Variants in HS3ST4 observed in about 807,000 individuals in gnomAD.
HS3ST4 encodes heparan sulfate glucosamine 3-O-sulfotransferase 4.
Under a neutral mutation model 29.2 loss-of-function variants are expected in HS3ST4, and 17 were observed. The ratio of observed to expected loss-of-function variants is 0.58; its 90% CI spans 0.40 to 0.87. The LOEUF (loss-of-function observed/expected upper bound fraction) is 0.87, where lower values mean the gene tolerates loss of function less well. Among genes scored for constraint, HS3ST4 ranks in the 40% least tolerant of loss-of-function variants. The probability of loss-of-function intolerance (pLI) is 0.00; values close to 1 mark genes in which losing one functional copy is unlikely to be tolerated. For synonymous variants in HS3ST4, 314 were observed against 285.7 expected, an observed-to-expected ratio of 1.10 and a Z score of -1.00; for missense variants, 627 against 634.5, an observed-to-expected ratio of 0.99 and a Z score of 0.13.
chr16:25,811,475 C>T (rs1370529777), intron 1 of HS3ST4, among the ~76,000 whole-genome samples: 1 of 148,110 alleles, frequency 6.8e-6, no homozygotes, highest in African/African-American at 2.5e-5. Flanking sequence ...CTCTTGTTGC[C>T]CAGGCTGGAG....
At chr16:26,021,827 C>G (rs887302921) in intron 1 of HS3ST4, among the ~76,000 whole-genome samples, 5 of 152,036 alleles carry the variant, frequency 3.3e-5, no homozygotes, top group African/African-American at 1.2e-4. Flanking sequence ...CCACAACCAG[C>G]TAATTTTTGT....
At chr16:26,074,071 A>G (rs1898631625) in intron 1 of HS3ST4, among the ~76,000 whole-genome samples, 1 of 152,128 alleles carries the variant, frequency 6.6e-6, no homozygotes, top group Admixed American at 6.5e-5. Flanking sequence ...AATCCCCCTC[A>G]GCCTTCCGGT....
At chr16:25,971,503 A>G (rs868749362) in intron 1 of HS3ST4, among the ~76,000 whole-genome samples, 1 of 152,162 alleles carries the variant, frequency 6.6e-6, no homozygotes. Flanking sequence ...ATTAATAGTG[A>G]GCTCACCATG....
chr16:25,729,850 C>T (rs1379558798), intron 1 of HS3ST4, among the ~76,000 whole-genome samples: 3 of 152,254 alleles, frequency 2.0e-5, no homozygotes, highest in Admixed American at 6.5e-5. Context: ...CTTCCAGCCT[C>T]GGGTACAGGT....
intron 1 of HS3ST4, among the ~76,000 whole-genome samples, chr16:25,963,657 A>C (rs145002079): frequency 5.7e-4 from 87 of 152,342 alleles, no homozygotes; most frequent in Admixed American, 9.8e-4. Flanking sequence ...CAAATAATTT[A>C]GTCTTGTAAT....
intron 1 of HS3ST4, among the ~76,000 whole-genome samples, chr16:26,051,881 C>A (rs571152738): frequency 1.2e-5 from 1 of 85,584 alleles, no homozygotes; most frequent in Admixed American, 1.1e-4. Context: ...TCCCTCCCTG[C>A]CTCCCTCCCT....
intron 1 of HS3ST4, among the ~76,000 whole-genome samples, chr16:25,955,521 C>T (rs190134163): frequency 4.1e-4 from 62 of 152,218 alleles, no homozygotes; most frequent in African/African-American, 1.4e-3. Context: ...CAGTAGGAAC[C>T]TTTATGATAG....
At chr16:25,869,924 G>C (rs1301231524) in intron 1 of HS3ST4, among the ~76,000 whole-genome samples, 1 of 152,170 alleles carries the variant, frequency 6.6e-6, no homozygotes, top group East Asian at 1.9e-4. Flanking sequence ...GAGAGGTTAA[G>C]TAACTTGGCC....
At chr16:26,015,419 A>G (rs1567294094) in intron 1 of HS3ST4, among the ~76,000 whole-genome samples, 1 of 152,240 alleles carries the variant, frequency 6.6e-6, no homozygotes, top group Non-Finnish European at 1.5e-5. Context: ...CCCAACATCA[A>G]TATATGCCAA....
intron 1 of HS3ST4, among the ~76,000 whole-genome samples, chr16:26,040,884 A>G (rs985403717): frequency 1.3e-5 from 2 of 151,974 alleles, no homozygotes; most frequent in African/African-American, 4.8e-5. Context: ...CTCACCCAAC[A>G]TGGTCACTAT....
chr16:25,765,544 C>T (rs1966812660), intron 1 of HS3ST4, among the ~76,000 whole-genome samples: 1 of 152,086 alleles, frequency 6.6e-6, no homozygotes, highest in Non-Finnish European at 1.5e-5. Context: ...CTGATTGCAT[C>T]CTTCTGTGAG....
intron 1 of HS3ST4, among the ~76,000 whole-genome samples, chr16:25,800,245 T>C (rs1333149534): frequency 6.6e-6 from 1 of 152,194 alleles, no homozygotes; most frequent in East Asian, 1.9e-4. Flanking sequence ...TTAACCTTAG[T>C]TGAATAGAAT....
intron 1 of HS3ST4, among the ~76,000 whole-genome samples, chr16:25,916,427 A>T (rs931480795): frequency 6.6e-5 from 10 of 152,014 alleles, no homozygotes; most frequent in Non-Finnish European, 1.0e-4. Flanking sequence ...CAATGGCACT[A>T]TCTCGGCTCA....
At chr16:25,950,495 G>T (rs1968672237) in intron 1 of HS3ST4, among the ~76,000 whole-genome samples, 1 of 152,126 alleles carries the variant, frequency 6.6e-6, no homozygotes, top group African/African-American at 2.4e-5. Context: ...TCGGATGGAT[G>T]AATGAATAAA....
chr16:25,730,822 C>A (rs192750793), intron 1 of HS3ST4, among the ~76,000 whole-genome samples: 17 of 152,076 alleles, frequency 1.1e-4, no homozygotes, highest in African/African-American at 4.1e-4. Context: ...TCCCTCTTCC[C>A]TCCCTGCCTG....
intron 1 of HS3ST4, among the ~76,000 whole-genome samples, chr16:26,113,471 T>G (rs1899161361): frequency 4.9e-5 from 1 of 20,510 alleles, no homozygotes; most frequent in African/African-American, 8.7e-4. Flanking sequence ...CAATATATGA[T>G]GTGTGTGTGT....
At chr16:26,050,554 G>A (rs1475354748) in intron 1 of HS3ST4, among the ~76,000 whole-genome samples, 2 of 152,148 alleles carry the variant, frequency 1.3e-5, no homozygotes, top group Non-Finnish European at 2.9e-5. Context: ...AGGCACTGTG[G>A]AAAGTACTGC....
intron 1 of HS3ST4, among the ~76,000 whole-genome samples, chr16:25,830,617 C>T (rs1210035604): frequency 6.6e-6 from 1 of 152,172 alleles, no homozygotes; most frequent in East Asian, 1.9e-4. Flanking sequence ...AATCTGCTTT[C>T]CCTTAATCAG....
At chr16:25,747,412 A>G (rs1158125533) in intron 1 of HS3ST4, among the ~76,000 whole-genome samples, 1 of 152,242 alleles carries the variant, frequency 6.6e-6, no homozygotes, top group Non-Finnish European at 1.5e-5. Flanking sequence ...CAAATGGTCC[A>G]GCCCTTTGGT....
Sources: allele counts gnomAD v4.1 joint callset (sites outside exome capture counted in the v4.1 genomes callset), GRCh38; gene constraint gnomAD v4.1.1; transcripts MANE v1.5; gene names NCBI Gene and HGNC (gene_info 2026-07-23, HGNC 2026-07-21).